ATP8A2: variants seen among roughly 807,000 people sequenced by gnomAD.
The protein encoded by ATP8A2 is phospholipid-transporting ATPase IB.
Under a neutral mutation model 165.6 loss-of-function variants are expected in ATP8A2, and 100 were observed. The ratio of observed to expected loss-of-function variants is 0.60; its 90% CI spans 0.51 to 0.71. ATP8A2 has a LOEUF of 0.71. Among genes scored for constraint, ATP8A2 ranks in the 30% least tolerant of loss-of-function variants. The pLI, the probability that ATP8A2 is intolerant of heterozygous loss-of-function variation, is 0.00. For missense variants in ATP8A2, 1,227 were observed against 1,479.5 expected (o/e 0.83, Z 2.80); for synonymous variants, 543 against 548.8 (o/e 0.99, Z 0.15).
chr13:25,574,206 TTTGA>T (rs1289919979), intron 18 of ATP8A2, among the ~76,000 whole-genome samples: 7 of 152,300 alleles, frequency 4.6e-5, no homozygotes, highest in African/African-American at 1.7e-4. Flanking sequence ...AAAAAGAGCG[TTTGA>T]TTGATTGCTC....
At chr13:25,505,527 A>G (rs150450333) in intron 2 of ATP8A2, among the ~76,000 whole-genome samples, 40 of 152,292 alleles carry the variant, frequency 2.6e-4, no homozygotes, top group African/African-American at 9.6e-4. Context: ...AAGTGCCTTC[A>G]CTTTTTATCA....
intron 33 of ATP8A2, among the ~76,000 whole-genome samples, chr13:25,879,609 C>A (rs1952919298): frequency 6.6e-6 from 1 of 152,202 alleles, no homozygotes; most frequent in African/African-American, 2.4e-5. Flanking sequence ...ACTCCACCCT[C>A]CAAGTAATCT....
At chr13:25,688,360 T>TA (rs2042649425) in intron 24 of ATP8A2, among the ~76,000 whole-genome samples, 1 of 152,136 alleles carries the variant, frequency 6.6e-6, no homozygotes, top group Admixed American at 6.6e-5. Context: ...CCTAGTTCGT[T>TA]ACGGGTTCTA....
chr13:25,424,083 T>A (rs977860544), intron 1 of ATP8A2, among the ~76,000 whole-genome samples: 5 of 152,186 alleles, frequency 3.3e-5, no homozygotes, highest in African/African-American at 1.2e-4. Context: ...CAAGTTGTCC[T>A]GCAGGGCTTG....
At chr13:25,921,707 G>C (rs978832324) in intron 33 of ATP8A2, among the ~76,000 whole-genome samples, 1 of 151,822 alleles carries the variant, frequency 6.6e-6, no homozygotes, top group Non-Finnish European at 1.5e-5. Flanking sequence ...ATCTTGTACT[G>C]TCATGAAAGA....
rs531958185 is a variant in ATP8A2 at position 25,529,429 on chromosome 13, G to A, written c.222-570G>A. On this transcript the variant is annotated intron_variant, in intron 2 of 36. Transcript: ENST00000381655. ...ATGATATAGGTGTAAACACTGTACTGTAGGCTTGCATGAGGAGTGTCGTTA... is the reference window on the plus strand; with the variant it reads ...ATGATATAGGTGTAAACACTGTACTATAGGCTTGCATGAGGAGTGTCGTTA... Among the ~76,000 whole-genome samples, 201 of 152,292 alleles carry A rather than the reference G, an allele frequency of 1.3e-3. 1 individual carries two copies. Among genetic ancestry groups the A allele is most frequent in the African/African-American group, 4.0e-3 (168 of 41,556 alleles).
chr13:25,829,708 A>C (rs1420243958), intron 28 of ATP8A2, among the ~76,000 whole-genome samples: 1 of 81,646 alleles, frequency 1.2e-5, no homozygotes, highest in African/African-American at 4.6e-5. Context: ...ATATATATAT[A>C]TATATATATA....
At chr13:25,824,130 C>T (rs753134921) in intron 27 of ATP8A2, among the ~76,000 whole-genome samples, 6 of 152,106 alleles carry the variant, frequency 3.9e-5, no homozygotes, top group Non-Finnish European at 5.9e-5. Flanking sequence ...ACCACCACGC[C>T]TGGCTAATGT....
chr13:25,590,922 C>T (rs911244650), intron 24 of ATP8A2, among the ~76,000 whole-genome samples: 1 of 152,014 alleles, frequency 6.6e-6, no homozygotes, highest in African/African-American at 2.4e-5. Flanking sequence ...CACCCTCTGG[C>T]GTGAGTGCTT....
At chr13:25,491,355 T>C (rs2036522929) in intron 2 of ATP8A2, among the ~76,000 whole-genome samples, 1 of 152,078 alleles carries the variant, frequency 6.6e-6, no homozygotes, top group Non-Finnish European at 1.5e-5. Flanking sequence ...AGGAGCCCCA[T>C]GGTGCTACAT....
At chr13:25,638,037 G>C (rs931949021) in intron 24 of ATP8A2, among the ~76,000 whole-genome samples, 1 of 152,190 alleles carries the variant, frequency 6.6e-6, no homozygotes, top group Admixed American at 6.5e-5. Flanking sequence ...CAGACCTGCA[G>C]CTGAGGGTCC....
intron 25 of ATP8A2, among the ~76,000 whole-genome samples, chr13:25,715,708 G>A (rs549009831): frequency 8.5e-5 from 13 of 152,218 alleles, no homozygotes; most frequent in Admixed American, 2.0e-4. Context: ...ATCACTTGGC[G>A]GATAGTTAGG....
chr13:25,412,116 G>A (rs976285651), intron 1 of ATP8A2, among the ~76,000 whole-genome samples: 1 of 152,174 alleles, frequency 6.6e-6, no homozygotes, highest in African/African-American at 2.4e-5. Context: ...GGGGTGGTGG[G>A]TGCCCCTCTC....
At chr13:25,731,163 A>G (rs867830726) in intron 25 of ATP8A2, among the ~76,000 whole-genome samples, 55 of 122,152 alleles carry the variant, frequency 4.5e-4, no homozygotes, top group African/African-American at 8.1e-4. Flanking sequence ...AAGAAAGAGA[A>G]AGAAGGAAGG....
intron 33 of ATP8A2, among the ~76,000 whole-genome samples, chr13:25,949,522 T>C (rs557119995): frequency 1.3e-4 from 20 of 152,324 alleles, no homozygotes; most frequent in Non-Finnish European, 2.2e-4. Context: ...AAGATTGCAA[T>C]CTAGAAATAG....
chr13:25,618,265 G>GTTCT (rs2040875951), intron 24 of ATP8A2, among the ~76,000 whole-genome samples: 1 of 152,140 alleles, frequency 6.6e-6, no homozygotes, highest in East Asian at 1.9e-4. Context: ...GAACAGGTTA[G>GTTCT]GAGTGCGTGT....
chr13:25,465,719 C>CTT (rs1220700622), intron 1 of ATP8A2, among the ~76,000 whole-genome samples: 1 of 40,246 alleles, frequency 2.5e-5, no homozygotes. Flanking sequence ...TTCTTTCTTT[C>CTT]TTTCTTTCTT....
rs563894778 is a variant in ATP8A2, at chr13:25,671,505, G to T, written c.2212-27668G>T. Among the ~76,000 whole-genome samples, 7 of 152,260 alleles carry T rather than the reference G, an allele frequency of 4.6e-5. No individual in the cohort carries two copies. The East Asian group carries it at 1.4e-3, about 29-fold the overall frequency. On this transcript the variant is annotated intron_variant, in intron 24 of 36. Transcript: ENST00000381655. ...CGCTGAATTCTTTTTCTCAGCATGG[G>T]ATATCCCTGAGAAAGAGAATGTGTA...
intron 1 of ATP8A2, among the ~76,000 whole-genome samples, chr13:25,430,296 G>A (rs936295116): frequency 6.6e-6 from 1 of 152,104 alleles, no homozygotes; most frequent in African/African-American, 2.4e-5. Context: ...GGTAAGGGAT[G>A]GACATGGGGG....
Sources: allele counts gnomAD v4.1 joint callset (sites outside exome capture counted in the v4.1 genomes callset), GRCh38; gene constraint gnomAD v4.1.1; transcripts MANE v1.5; gene names NCBI Gene and HGNC (gene_info 2026-07-23, HGNC 2026-07-21).